The following KNTC1 variants were observed in gnomAD, a reference collection of about 807,000 sequenced individuals.
KNTC1 encodes kinetochore associated 1.
Under a neutral mutation model 314.4 loss-of-function variants are expected in KNTC1, and 253 were observed. The observed-to-expected ratio is 0.80, with a 90% CI of 0.73 to 0.89. KNTC1 has a LOEUF of 0.89. Ranked by LOEUF, KNTC1 falls within the 40% of genes least tolerant of loss-of-function variation. KNTC1 has a pLI of 0.00. For missense variants in KNTC1, 2,475 were observed against 2,572.9 expected, an observed-to-expected ratio of 0.96 and a Z score of 0.82; for synonymous variants, 901 against 901.4, an observed-to-expected ratio of 1.00 and a Z score of 0.01.
intron 42 of KNTC1, chr12:122,592,813 C>G (rs1870462713): frequency 6.6e-6 from 1 of 152,366 alleles, no homozygotes; most frequent in African/African-American, 2.4e-5. Context: ...CGAGTCAGCA[C>G]TGGCAACCCG....
Position 122,538,362 on chromosome 12 carries a change from CT to C in KNTC1, c.277del (p.Cys93ValfsTer21). 1 of 1,601,354 alleles carries C rather than the reference CT, an allele frequency of 6.2e-7. No individual in the cohort carries two copies. Among genetic ancestry groups the C allele is most frequent in the Non-Finnish European group, 8.5e-7 (1 of 1,173,126 alleles). On this transcript the variant is annotated frameshift_variant, in exon 4 of 64. Transcript: ENST00000333479. LOFTEE classifies it high-confidence loss of function. ...VFDTEVDVVGLCQEGKFLLVG... is the reference protein window; with the variant it reads ...VFDTEVDVVGXCQEGKFLLVG... ...AGATACTGAAGTGGATGTAGTTGGCCTTTGTCAAGAAGGAAAGTTTCTTTTG... is the reference window on the plus strand; with the variant it reads ...AGATACTGAAGTGGATGTAGTTGGCCTTGTCAAGAAGGAAAGTTTCTTTTG...
intron 51 of KNTC1, among the ~76,000 whole-genome samples, chr12:122,606,578 A>G (rs747133596): frequency 3.3e-5 from 5 of 152,020 alleles, no homozygotes; most frequent in Non-Finnish European, 5.9e-5. Flanking sequence ...TCAGTTGATG[A>G]TTTCAGATGC....
intron 43 of KNTC1, 55 bp downstream of exon 43, chr12:122,594,440 T>C: frequency 1.0e-6 from 1 of 972,008 alleles, no homozygotes; most frequent in Non-Finnish European, 1.6e-6. Context: ...GTAATTCTTT[T>C]GCAAGAACAC....
At chr12:122,604,752 T>G (rs1212186918) in intron 49 of KNTC1, 115 bp downstream of exon 49, 2 of 1,221,592 alleles carry the variant, frequency 1.6e-6, no homozygotes, top group East Asian at 4.9e-5. Context: ...GACCAAGGCT[T>G]TATGTAGATG....
At chr12:122,615,575 T>C in intron 57 of KNTC1, 49 bp downstream of exon 57, 1 of 1,453,720 alleles carries the variant, frequency 6.9e-7, no homozygotes, top group Non-Finnish European at 9.2e-7. Context: ...CTTTATACTT[T>C]CTGGCCTTGT....
At chr12:122,561,359 T>C (rs1963963261) in intron 18 of KNTC1, among the ~76,000 whole-genome samples, 1 of 152,026 alleles carries the variant, frequency 6.6e-6, no homozygotes, top group South Asian at 2.1e-4. Context: ...TGGATTCTTT[T>C]TCTGTCATAG....
At chr12:122,545,373 A>C (rs1278008123) in intron 8 of KNTC1, among the ~76,000 whole-genome samples, 1 of 152,054 alleles carries the variant, frequency 6.6e-6, no homozygotes, top group Non-Finnish European at 1.5e-5. Context: ...TGATCACCCC[A>C]CTTCACTGCG....
At chr12:122,620,417 A>C in intron 59 of KNTC1, 62 bp from the exon 60 acceptor site, 2 of 1,502,842 alleles carry the variant, frequency 1.3e-6, no homozygotes, top group Admixed American at 3.9e-5. Context: ...GGAAAGCTAG[A>C]AAGGCCAATA....
chr12:122,537,056 G>T (rs1667293403), intron 3 of KNTC1, among the ~76,000 whole-genome samples: 1 of 152,152 alleles, frequency 6.6e-6, no homozygotes, highest in Non-Finnish European at 1.5e-5. Context: ...AAGACATTGT[G>T]GCGGAATAAC....
At chr12:122,601,023 G>A (rs1431238871) in intron 44 of KNTC1, among the ~76,000 whole-genome samples, 1 of 152,074 alleles carries the variant, frequency 6.6e-6, no homozygotes, top group Non-Finnish European at 1.5e-5. Context: ...TTTTTAGCAT[G>A]TATGTTTATC....
intron 60 of KNTC1, among the ~76,000 whole-genome samples, chr12:122,621,645 A>AT (rs917187132): frequency 6.6e-6 from 1 of 152,136 alleles, no homozygotes; most frequent in African/African-American, 2.4e-5. Context: ...GAACATGCAT[A>AT]TTTTTTATTT....
chr12:122,601,565 A>C lies in KNTC1; in HGVS notation c.4593A>C (p.Glu1531Asp). The stretch of plus-strand genomic sequence containing the variant: ...ATCCTTATGACTATGAAATGATTGA[A>C]GTTGTCTTGAAAGTTATAGAACGAG... The part of the protein sequence containing the change: ...KLDPYDYEMI[E>D]VVLKVIERAD... The change falls in exon 45 of 64, where the codon GAA (glutamate) becomes GAC (aspartate). Residue 1531 changes from glutamate (E) to aspartate (D), a missense_variant. By Grantham distance (45) the Glu-to-Asp change is conservative. Coordinates refer to ENST00000333479, the MANE Select transcript of KNTC1 (RefSeq NM_014708.6). 5 of 1,538,856 alleles carry C rather than the reference A, an allele frequency of 3.2e-6. No individual in the cohort carries two copies. The Admixed American group carries it at 1.0e-4, about 32-fold the overall frequency.
chr12:122,565,830 A>C (rs2137875931), intron 20 of KNTC1, among the ~76,000 whole-genome samples: 1 of 152,268 alleles, frequency 6.6e-6, no homozygotes, highest in East Asian at 1.9e-4. Flanking sequence ...GGCTGCAGTA[A>C]GCTGTGATTG....
At position 122,551,706 on chromosome 12, in the gene KNTC1, C is replaced by A; in HGVS notation, c.1272+10C>A. On this transcript the variant is annotated intron_variant, in intron 16 of 63. Transcript: ENST00000333479. ...TGGACTAGATGTTGAGGTAATCATT[C>A]ATGTATTCATTTGTTCACCAAACAA... 3.1e-6 allele frequency: 5 copies of A among 1,595,682 alleles called. No homozygotes were observed. Among genetic ancestry groups the A allele is most frequent in the Non-Finnish European group, 3.4e-6 (4 of 1,163,398 alleles).
At chr12:122,565,930 G>A (rs76813044) in intron 20 of KNTC1, among the ~76,000 whole-genome samples, 1 of 150,556 alleles carries the variant, frequency 6.6e-6, no homozygotes, top group Non-Finnish European at 1.5e-5. Flanking sequence ...TTCATTTTTA[G>A]AGTTTCTTTC....
chr12:122,618,429 A>G, intron 58 of KNTC1, 32 bp downstream of exon 58: 7 of 1,611,576 alleles, frequency 4.3e-6, no homozygotes, highest in Non-Finnish European at 5.1e-6. Context: ...TGGCTACAGC[A>G]TTTTATAGTT....
intron 16 of KNTC1, among the ~76,000 whole-genome samples, chr12:122,553,592 G>A (rs1475373547): frequency 1.3e-5 from 2 of 152,080 alleles, no homozygotes; most frequent in African/African-American, 2.4e-5. Context: ...TGTCTAGTGG[G>A]AAGTTGAGGA....
chr12:122,604,537 A>C (rs1872364629), intron 48 of KNTC1, 27 bp from the exon 49 acceptor site: 1 of 1,059,024 alleles, frequency 9.4e-7, no homozygotes, highest in Admixed American at 2.2e-5. Context: ...GTAAATCTTT[A>C]TTTATTTATT....
In KNTC1 at chr12:122,603,133, A is replaced by G; in HGVS notation, c.4991A>G (p.Asn1664Ser). Residue 1664 changes from asparagine to serine, a missense_variant, in exon 48 of 64, where the codon AAC becomes AGC. Physicochemically the swap from Asn to Ser is conservative, Grantham distance 46. Transcript: ENST00000333479. ...LTQAKSSTLI[N>S]KEITKITQTI... ...CAAGCTAAATCCTCAACACTGATTA[A>G]CAAGGAAATAACTAAGATCACGCAG... 6.2e-7 allele frequency: 1 copy of G among 1,613,880 alleles called. No individual in the cohort carries two copies. Among genetic ancestry groups the G allele is most frequent in the Non-Finnish European group, 8.5e-7 (1 of 1,179,846 alleles).
Sources: gnomAD v4.1 joint callset for allele counts (sites outside exome capture counted in the v4.1 genomes callset) on GRCh38, gnomAD v4.1.1 for gene constraint, MANE v1.5 for transcripts, NCBI Gene and HGNC (gene_info 2026-07-23, HGNC 2026-07-21) for gene names.